The following MBNL1 variants were observed in gnomAD, a reference collection of about 807,000 sequenced individuals.
The protein encoded by MBNL1 is muscleblind-like protein 1.
A neutral mutation model predicts 42.2 loss-of-function variants in MBNL1; 8 were observed. The ratio of observed to expected loss-of-function variants is 0.19; its 90% CI spans 0.11 to 0.34. The LOEUF (loss-of-function observed/expected upper bound fraction) is 0.34. Among genes scored for constraint, MBNL1 ranks in the 10% least tolerant of loss-of-function variants. MBNL1 has a pLI of 1.00. For missense variants in MBNL1, 309 were observed against 495.3 expected (o/e 0.62, Z 3.57); for synonymous variants, 169 against 173.9 (o/e 0.97, Z 0.22).
At chr3:152,273,737 A>G (rs1185202840) in intron 1 of MBNL1, among the ~76,000 whole-genome samples, 1 of 152,204 alleles carries the variant, frequency 6.6e-6, no homozygotes, top group Non-Finnish European at 1.5e-5. Context: ...TTTCTGAAAT[A>G]ATATCATGCT....
intron 3 of MBNL1, among the ~76,000 whole-genome samples, chr3:152,427,618 C>T (rs559373150): frequency 6.6e-6 from 1 of 152,142 alleles, no homozygotes; most frequent in African/African-American, 2.4e-5. Context: ...TAGCTTTTGG[C>T]ACTGTTTATA....
chr3:152,411,519 C>G (rs761555833), intron 2 of MBNL1, among the ~76,000 whole-genome samples: 1 of 151,964 alleles, frequency 6.6e-6, no homozygotes, highest in Non-Finnish European at 1.5e-5. Flanking sequence ...GACTCCGTCT[C>G]AAAAACAAAA....
At chr3:152,252,134 ACCTTCCTTCCTT>A (rs139692617) in intron 2 of MBNL1, among the ~76,000 whole-genome samples, 57 of 102,882 alleles carry the variant, frequency 5.5e-4, no homozygotes, top group East Asian at 2.8e-3. Context: ...AAACTAACCT[ACCTTCCTTCCTT>A]CCTTCCTTCC....
intron 3 of MBNL1, among the ~76,000 whole-genome samples, chr3:152,416,674 G>A (rs1042236107): frequency 3.9e-5 from 6 of 152,208 alleles, no homozygotes; most frequent in Admixed American, 6.5e-5. Context: ...CAGCAAGTGT[G>A]TTCCCAGATG....
intron 2 of MBNL1, among the ~76,000 whole-genome samples, chr3:152,356,893 C>A (rs1347606127): frequency 9.3e-6 from 1 of 107,086 alleles, no homozygotes; most frequent in African/African-American, 3.6e-5. Flanking sequence ...TTACTGTAAC[C>A]CAGGTATATC....
At chr3:152,342,100 C>T (rs2093369479) in intron 2 of MBNL1, among the ~76,000 whole-genome samples, 1 of 152,174 alleles carries the variant, frequency 6.6e-6, no homozygotes, top group African/African-American at 2.4e-5. Context: ...AACTTGGCCT[C>T]ACAGCTGGAC....
chr3:152,349,914 G>A (rs1333088392), intron 2 of MBNL1, among the ~76,000 whole-genome samples: 1 of 152,062 alleles, frequency 6.6e-6, no homozygotes, highest in Non-Finnish European at 1.5e-5. Flanking sequence ...AGAAATATAG[G>A]TGTTAAAATT....
At chr3:152,261,177 C>T (rs892695559) in intron 2 of MBNL1, among the ~76,000 whole-genome samples, 4 of 152,078 alleles carry the variant, frequency 2.6e-5, no homozygotes, top group African/African-American at 9.7e-5. Context: ...CTTGGATGCC[C>T]CTCCCAGAAA....
chr3:152,321,728 A>G (rs2076583419), intron 2 of MBNL1, among the ~76,000 whole-genome samples: 1 of 151,998 alleles, frequency 6.6e-6, no homozygotes, highest in Admixed American at 6.6e-5. Flanking sequence ...TTCTCCATCA[A>G]ATTTTAAAGG....
chr3:152,305,894 AT>A (rs2062855313), intron 2 of MBNL1, among the ~76,000 whole-genome samples: 2 of 152,156 alleles, frequency 1.3e-5, no homozygotes, highest in Non-Finnish European at 2.9e-5. Flanking sequence ...TCATCCCTAC[AT>A]TTTTGGCACA....
chr3:152,285,152 C>T (rs1279851062), intron 1 of MBNL1, among the ~76,000 whole-genome samples: 1 of 152,158 alleles, frequency 6.6e-6, no homozygotes, highest in Non-Finnish European at 1.5e-5. Flanking sequence ...TTACACACAC[C>T]TCACTCTGAG....
At chr3:152,401,082 G>T (rs1295985933) in intron 2 of MBNL1, among the ~76,000 whole-genome samples, 1 of 152,154 alleles carries the variant, frequency 6.6e-6, no homozygotes, top group Non-Finnish European at 1.5e-5. Flanking sequence ...ATAATATACA[G>T]TCATGGTCAA....
At chr3:152,439,870 A>G (rs914096167) in intron 4 of MBNL1, among the ~76,000 whole-genome samples, 1 of 152,084 alleles carries the variant, frequency 6.6e-6, no homozygotes, top group Non-Finnish European at 1.5e-5. Context: ...TAATAATAAT[A>G]ATAACATAAA....
At chr3:152,322,045 T>A (rs886291718) in intron 2 of MBNL1, among the ~76,000 whole-genome samples, 1 of 119,098 alleles carries the variant, frequency 8.4e-6, no homozygotes, top group South Asian at 3.1e-4. Context: ...ATAGATATTT[T>A]AAAAAATAAT....
intron 2 of MBNL1, among the ~76,000 whole-genome samples, chr3:152,355,196 G>T (rs1432269129): frequency 2.0e-5 from 3 of 152,190 alleles, no homozygotes; most frequent in Non-Finnish European, 4.4e-5. Context: ...CATGATTGGT[G>T]CTGGGACTCC....
chr3:152,451,822 T>G (rs999438691), intron 6 of MBNL1, among the ~76,000 whole-genome samples: 2 of 152,154 alleles, frequency 1.3e-5, no homozygotes, highest in Non-Finnish European at 2.9e-5. Flanking sequence ...ATTATCTCAT[T>G]TTTTTTCACA....
intron 3 of MBNL1, among the ~76,000 whole-genome samples, chr3:152,432,101 T>A (rs953358811): frequency 6.6e-6 from 1 of 152,220 alleles, no homozygotes; most frequent in African/African-American, 2.4e-5. Context: ...ACACTTATAA[T>A]TTCCCCCAGG....
chr3:152,258,740 C>A (rs966594692), intron 2 of MBNL1, among the ~76,000 whole-genome samples: 1 of 152,248 alleles, frequency 6.6e-6, no homozygotes, highest in African/African-American at 2.4e-5. Context: ...AGATTTACTT[C>A]ATCGGCTGCT....
chr3:152,338,197 G>A (rs900207905), intron 2 of MBNL1: 1 of 985,238 alleles, frequency 1.0e-6, no homozygotes, highest in East Asian at 1.1e-4. Context: ...CATGTATTTT[G>A]TTGCATTTCT....
Sources: gnomAD v4.1 joint callset for allele counts (sites outside exome capture counted in the v4.1 genomes callset) on GRCh38, gnomAD v4.1.1 for gene constraint, MANE v1.5 for transcripts, NCBI Gene and HGNC (gene_info 2026-07-23, HGNC 2026-07-21) for gene names.